Variants in NXN observed in about 807,000 individuals in gnomAD.
NXN encodes nucleoredoxin.
NXN carries 16 observed loss-of-function variants against 48.6 expected under a neutral mutation model. The observed-to-expected ratio is 0.33, with a 90% CI of 0.22 to 0.50. NXN has a LOEUF of 0.50. Among genes scored for constraint, NXN ranks in the 20% least tolerant of loss-of-function variants. The pLI is 0.98. For missense variants in NXN, 492 were observed against 605.5 expected (o/e 0.81, Z 1.97); for synonymous variants, 281 against 269.6 (o/e 1.04, Z -0.41).
intron 5 of NXN, among the ~76,000 whole-genome samples, chr17:816,992 C>T (rs1912503991): frequency 6.6e-6 from 1 of 152,190 alleles, no homozygotes; most frequent in Non-Finnish European, 1.5e-5. Context: ...GGGGCCTTTT[C>T]TTCTGGTCCA....
intron 1 of NXN, among the ~76,000 whole-genome samples, chr17:852,977 A>G (rs916354703): frequency 6.6e-6 from 1 of 150,776 alleles, no homozygotes; most frequent in Admixed American, 6.6e-5. Context: ...TAAAGTGTAA[A>G]TTTTTTCTTT....
chr17:975,984 T>A (rs2150646488), intron 1 of NXN, among the ~76,000 whole-genome samples: 2 of 152,328 alleles, frequency 1.3e-5, no homozygotes, highest in South Asian at 4.1e-4. Flanking sequence ...GATTTGCTGA[T>A]GAAATTGTTA....
At chr17:946,998 C>T (rs1046773640) in intron 1 of NXN, among the ~76,000 whole-genome samples, 2 of 152,138 alleles carry the variant, frequency 1.3e-5, no homozygotes, top group Non-Finnish European at 2.9e-5. Flanking sequence ...GAAAGCCAGT[C>T]GGCCCCACGG....
chr17:812,839 T>G (rs909479555), intron 5 of NXN, among the ~76,000 whole-genome samples: 2 of 147,168 alleles, frequency 1.4e-5, no homozygotes, highest in Non-Finnish European at 3.0e-5. Context: ...CATGTGTGAG[T>G]GTAGGTGTGT....
chr17:979,654 G>A lies in NXN; in HGVS notation c.25C>T (p.Leu9Phe). The A allele has an allele frequency of 6.8e-7, 1 of 1,473,716 alleles. No homozygotes were observed. The allele number at this position is 1,473,716 out of a possible 1,614,324, so 91.3% of individuals were successfully genotyped here. Residue 9 changes from leucine (L) to phenylalanine (F), a missense_variant, in exon 1 of 8, where the codon CTC (leucine) becomes TTC (phenylalanine). By Grantham distance (22) the Leu-to-Phe change is conservative. Around this residue, in one of 3 missense-constraint regions of NXN, gnomAD observed 186 missense variants for 199.1 expected, o/e 0.93. Coordinates refer to ENST00000336868, the MANE Select transcript of NXN (RefSeq NM_022463.5). Reference sequence around the variant, plus strand: ...CCGCCCGTCACCAGCTTCTCGCCGAGCAGCTCCTCCAGGAAGCCCGACATC... The same window carrying A: ...CCGCCCGTCACCAGCTTCTCGCCGAACAGCTCCTCCAGGAAGCCCGACATC... MSGFLEELLGEKLVTGGGE... is the reference protein window; with the variant it reads MSGFLEELFGEKLVTGGGE...
chr17:872,613 CTT>C lies in NXN; in HGVS notation c.361-46537_361-46536del, dbSNP rs34081114. On this transcript the variant is annotated intron_variant, in intron 1 of 7. Transcript: ENST00000336868. Reference sequence around the variant, plus strand: ...CTGTGACTATGTTTCCGGGTGAGATCTTTTTTTTTTTTTTTTTTTTTTTTGAG... The same window carrying C: ...CTGTGACTATGTTTCCGGGTGAGATCTTTTTTTTTTTTTTTTTTTTTTGAG... Among the ~76,000 whole-genome samples, 588 of 75,384 alleles carry C rather than the reference CTT, an allele frequency of 7.8e-3. 2 individuals carry two copies. Among genetic ancestry groups the C allele is most frequent in the African/African-American group, 0.029 (522 of 18,252 alleles). 49.5% of individuals were successfully genotyped at this position (75,384 alleles called of 152,430 possible). A position where few individuals can be genotyped will look rare whatever the true frequency, so the allele number is the denominator to read the frequency against.
At chr17:880,738 G>A (rs1298087305) in intron 1 of NXN, among the ~76,000 whole-genome samples, 1 of 152,262 alleles carries the variant, frequency 6.6e-6, no homozygotes, top group East Asian at 1.9e-4. Flanking sequence ...TCCTAAGGGG[G>A]CAGGGCTGGA....
At chr17:943,761 G>C (rs1315914664) in intron 1 of NXN, among the ~76,000 whole-genome samples, 1 of 151,880 alleles carries the variant, frequency 6.6e-6, no homozygotes. Context: ...GGAGGCGGAG[G>C]TTGCAGGGAG....
intron 1 of NXN, among the ~76,000 whole-genome samples, chr17:897,424 G>A (rs1485307958): frequency 5.3e-5 from 8 of 152,210 alleles, no homozygotes; most frequent in Non-Finnish European, 1.2e-4. Context: ...TTGAAAGCAC[G>A]TTCTAGGGTG....
intron 1 of NXN, among the ~76,000 whole-genome samples, chr17:869,105 T>A (rs984774345): frequency 6.6e-6 from 1 of 152,142 alleles, no homozygotes; most frequent in African/African-American, 2.4e-5. Flanking sequence ...TCCACACAGA[T>A]GAACCTCTAG....
chr17:962,088 C>T (rs575894862), intron 1 of NXN, among the ~76,000 whole-genome samples: 3 of 152,210 alleles, frequency 2.0e-5, no homozygotes, highest in Non-Finnish European at 4.4e-5. Flanking sequence ...GAGCCGAGAT[C>T]GCGCCACTGC....
intron 1 of NXN, among the ~76,000 whole-genome samples, chr17:955,242 A>G (rs950845800): frequency 7.1e-6 from 1 of 140,700 alleles, no homozygotes; most frequent in African/African-American, 2.7e-5. Context: ...TTCTCAGCTC[A>G]CTGCAACCTC....
intron 1 of NXN, among the ~76,000 whole-genome samples, chr17:895,237 G>A (rs2068465714): frequency 6.7e-6 from 1 of 149,466 alleles, no homozygotes; most frequent in African/African-American, 2.5e-5. Flanking sequence ...GGCTAGTCTT[G>A]AACTCCTGAC....
intron 1 of NXN, among the ~76,000 whole-genome samples, chr17:968,220 G>T (rs1020820755): frequency 1.3e-5 from 2 of 151,936 alleles, no homozygotes; most frequent in Non-Finnish European, 2.9e-5. Context: ...GGATATGTGG[G>T]GATTCACTGA....
At chr17:819,576 T>A in intron 4 of NXN, 31 bp from the exon 5 acceptor site, 2 of 1,479,976 alleles carry the variant, frequency 1.4e-6, no homozygotes, top group Non-Finnish European at 1.9e-6. Context: ...CGGGCAAGGC[T>A]CAGTATCCCC....
chr17:902,196 T>C (rs976049093), intron 1 of NXN, among the ~76,000 whole-genome samples: 3 of 152,222 alleles, frequency 2.0e-5, no homozygotes, highest in African/African-American at 4.8e-5. Flanking sequence ...GCCAGTTTCA[T>C]TATTCACTGC....
At chr17:819,611 A>C in intron 4 of NXN, 66 bp from the exon 5 acceptor site, 2 of 1,150,122 alleles carry the variant, frequency 1.7e-6, no homozygotes, top group African/African-American at 1.5e-5. Flanking sequence ...GAATCCTCCC[A>C]CCTCTGCCGA....
chr17:949,943 G>A (rs1202618150), intron 1 of NXN, among the ~76,000 whole-genome samples: 1 of 152,008 alleles, frequency 6.6e-6, no homozygotes, highest in Non-Finnish European at 1.5e-5. Context: ...GGGGCTAACG[G>A]TCAATGCCAG....
intron 1 of NXN, among the ~76,000 whole-genome samples, chr17:889,199 C>T (rs1738139959): frequency 6.6e-6 from 1 of 152,122 alleles, no homozygotes; most frequent in African/African-American, 2.4e-5. Flanking sequence ...AGCAGAAAGC[C>T]CAGCGCCTGC....
Sources: allele counts gnomAD v4.1 joint callset (sites outside exome capture counted in the v4.1 genomes callset), GRCh38; gene constraint gnomAD v4.1.1; regional missense constraint gnomAD v4.1.1; transcripts MANE v1.5; gene names NCBI Gene and HGNC (gene_info 2026-07-23, HGNC 2026-07-21).